The following SLIT3 variants were observed in gnomAD, a reference collection of about 807,000 sequenced individuals.
The protein encoded by SLIT3 is slit guidance ligand 3.
In SLIT3, 68 loss-of-function variants were observed where a neutral mutation model predicts 184.0. The observed-to-expected ratio is 0.37, with a 90% CI of 0.30 to 0.45. The LOEUF is 0.45. Ranked by LOEUF, SLIT3 falls within the 20% of genes least tolerant of loss-of-function variation. The pLI, the probability that SLIT3 is intolerant of heterozygous loss-of-function variation, is 1.00. For synonymous variants in SLIT3, 831 were observed against 828.6 expected (o/e 1.00, Z -0.05); for missense variants, 1,707 against 2,026.0 (o/e 0.84, Z 3.02).
intron 14 of SLIT3, among the ~76,000 whole-genome samples, chr5:168,763,457 T>C (rs1467671383): frequency 6.6e-6 from 1 of 152,174 alleles, no homozygotes; most frequent in African/African-American, 2.4e-5. Context: ...GCAAATTGTA[T>C]CTGAGGGTCA....
intron 20 of SLIT3, among the ~76,000 whole-genome samples, chr5:168,729,661 G>A (rs146370174): frequency 3.9e-5 from 6 of 152,160 alleles, no homozygotes; most frequent in African/African-American, 1.4e-4. Flanking sequence ...ATGTGAAAAT[G>A]AAAGGTCGAT....
chr5:168,884,549 G>GATAGATATATATATATATATAT (rs1554153412), intron 4 of SLIT3, among the ~76,000 whole-genome samples: 1 of 41,152 alleles, frequency 2.4e-5, no homozygotes, highest in Admixed American at 3.4e-4. Flanking sequence ...CCAATTACGA[G>GATAGATATATATATATATATAT]ATATATATAT....
intron 4 of SLIT3, among the ~76,000 whole-genome samples, chr5:169,184,380 GC>G: frequency 6.6e-6 from 1 of 152,344 alleles, no homozygotes; most frequent in East Asian, 1.9e-4. Context: ...TGAAACTCAA[GC>G]CCAGTTTCCT....
chr5:169,172,660 C>G (rs1762851931), intron 4 of SLIT3, among the ~76,000 whole-genome samples: 1 of 152,208 alleles, frequency 6.6e-6, no homozygotes, highest in South Asian at 2.1e-4. Context: ...TCCTCCGCCT[C>G]AAATACCTCT....
chr5:168,917,258 A>G lies in SLIT3; in HGVS notation c.414-33922T>C, dbSNP rs531765082. ...CTTTGGTTCCCAGACCAGAATCAAC[A>G]GCAATTCCTAGCCAAGTCCTAGTCT... On this transcript the variant is annotated intron_variant, in intron 4 of 35. Coordinates refer to ENST00000519560, the MANE Select transcript of SLIT3 (RefSeq NM_003062.4). 9.2e-5 allele frequency among the ~76,000 whole-genome samples: 14 copies of G among 152,324 alleles called. No individual in the cohort carries two copies. The South Asian group carries it at 2.7e-3, about 29-fold the overall frequency.
intron 4 of SLIT3, among the ~76,000 whole-genome samples, chr5:168,988,401 T>C (rs984824946): frequency 2.6e-5 from 4 of 152,196 alleles, no homozygotes; most frequent in African/African-American, 9.7e-5. Flanking sequence ...ACTCAGATCC[T>C]GCATGATGGG....
intron 4 of SLIT3, among the ~76,000 whole-genome samples, chr5:169,111,588 C>CA (rs1322239998): frequency 6.6e-6 from 1 of 151,804 alleles, no homozygotes; most frequent in Admixed American, 6.6e-5. Context: ...CCCATCTGTA[C>CA]AAAAAATACA....
At chr5:168,902,667 C>T (rs114204468) in intron 4 of SLIT3, among the ~76,000 whole-genome samples, 3,363 of 152,318 alleles carry the variant, frequency 0.022, 53 homozygotes, top group Middle Eastern at 0.065. Context: ...ATCAGAAGCT[C>T]TGGGGTTGGG....
intron 4 of SLIT3, among the ~76,000 whole-genome samples, chr5:169,050,653 C>T (rs1192382537): frequency 6.6e-6 from 1 of 152,040 alleles, no homozygotes; most frequent in African/African-American, 2.4e-5. Flanking sequence ...TTAACCACTG[C>T]CCCCTTTGAA....
intron 1 of SLIT3, among the ~76,000 whole-genome samples, chr5:169,276,170 G>T (rs1037137944): frequency 6.6e-6 from 1 of 152,118 alleles, no homozygotes; most frequent in Non-Finnish European, 1.5e-5. Flanking sequence ...AGGGTTTCTG[G>T]CCCATCAGAC....
At position 168,966,481 on chromosome 5, in the gene SLIT3, A is replaced by T. The variant is rs553003688; in HGVS notation, c.414-83145T>A. On this transcript the variant is annotated intron_variant, in intron 4 of 35. Transcript: ENST00000519560. Reference sequence around the variant, plus strand: ...AAAGAGAACTAAAGGGATCCATCCCAGTGCTGCCTCTTGGTATGCTACCAT... The same window carrying T: ...AAAGAGAACTAAAGGGATCCATCCCTGTGCTGCCTCTTGGTATGCTACCAT... Among the ~76,000 whole-genome samples the T allele has an allele frequency of 5.3e-5, 8 of 152,300 alleles. No individual in the cohort carries two copies. The East Asian group carries it at 1.5e-3, about 29-fold the overall frequency.
At chr5:169,141,422 TTG>T (rs1177765721) in intron 4 of SLIT3, among the ~76,000 whole-genome samples, 97 of 99,058 alleles carry the variant, frequency 9.8e-4, no homozygotes, top group African/African-American at 3.3e-3. Context: ...GTTGTTTGTT[TTG>T]TTTTTTTTTT....
In SLIT3 at chr5:169,006,648, G is replaced by C. The variant is rs1185374022; in HGVS notation, c.414-123312C>G. ...ACACACACAACTCTCCAAGCACAAA[G>C]AGCTGACAACAACCTAGTGTTTACT... is the stretch of plus-strand genomic sequence containing the variant. On this transcript the variant is annotated intron_variant, in intron 4 of 35. Coordinates refer to ENST00000519560, the MANE Select transcript of SLIT3 (RefSeq NM_003062.4). Among the ~76,000 whole-genome samples, 3 of 148,744 alleles carry C rather than the reference G, an allele frequency of 2.0e-5. 1 individual carries two copies. Among genetic ancestry groups the C allele is most frequent in the Admixed American group, 2.0e-4 (3 of 14,928 alleles).
chr5:168,891,999 G>T (rs1409517948), intron 4 of SLIT3, among the ~76,000 whole-genome samples: 1 of 152,188 alleles, frequency 6.6e-6, no homozygotes, highest in Non-Finnish European at 1.5e-5. Flanking sequence ...GAAGAACTTG[G>T]CCTGCAGGCT....
intron 5 of SLIT3, among the ~76,000 whole-genome samples, chr5:168,879,846 G>C (rs1412463695): frequency 6.6e-6 from 1 of 152,170 alleles, no homozygotes; most frequent in African/African-American, 2.4e-5. Context: ...CCATTTCTGT[G>C]AAGTGGAAGC....
chr5:168,787,305 T>TC (rs1414302938), intron 11 of SLIT3, among the ~76,000 whole-genome samples: 1 of 151,998 alleles, frequency 6.6e-6, no homozygotes, highest in African/African-American at 2.4e-5. Context: ...GCAAGAGGGG[T>TC]CCTCACACCA....
intron 8 of SLIT3, among the ~76,000 whole-genome samples, chr5:168,813,731 GAGA>G (rs774810413): frequency 5.9e-5 from 9 of 152,186 alleles, no homozygotes; most frequent in Non-Finnish European, 1.0e-4. Flanking sequence ...GGCTTCTGGG[GAGA>G]AGAAGCTGGG....
At chr5:169,033,577 C>G (rs1475639235) in intron 4 of SLIT3, among the ~76,000 whole-genome samples, 1 of 152,166 alleles carries the variant, frequency 6.6e-6, no homozygotes, top group Admixed American at 6.5e-5. Flanking sequence ...CAAGGGTTCT[C>G]TTTTCTTCAT....
intron 4 of SLIT3, among the ~76,000 whole-genome samples, chr5:169,122,847 T>C (rs777952173): frequency 6.6e-6 from 1 of 152,200 alleles, no homozygotes; most frequent in South Asian, 2.1e-4. Context: ...CATAATAGGA[T>C]AGTAGAAAGG....
Sources: allele counts gnomAD v4.1 joint callset (sites outside exome capture counted in the v4.1 genomes callset), GRCh38; gene constraint gnomAD v4.1.1; transcripts MANE v1.5; gene names NCBI Gene and HGNC (gene_info 2026-07-23, HGNC 2026-07-21).